Variants in SYNPR observed in about 807,000 individuals in gnomAD.
The protein encoded by SYNPR is synaptoporin.
A neutral mutation model predicts 32.9 loss-of-function variants in SYNPR; 23 were observed. The observed-to-expected ratio is 0.70, with a 90% CI of 0.50 to 0.99. The LOEUF (loss-of-function observed/expected upper bound fraction) is 0.99, where lower values mean the gene tolerates loss of function less well. Ranked by LOEUF, SYNPR falls within the 50% of genes least tolerant of loss-of-function variation. SYNPR has a pLI of 0.00. For synonymous variants in SYNPR, 146 were observed against 135.9 expected, an observed-to-expected ratio of 1.07 and a Z score of -0.52; for missense variants, 318 against 349.3, an observed-to-expected ratio of 0.91 and a Z score of 0.71.
chr3:63,407,470 C>T (rs1447887483), intron 2 of SYNPR, among the ~76,000 whole-genome samples: 4 of 152,254 alleles, frequency 2.6e-5, no homozygotes, highest in East Asian at 1.9e-4. Flanking sequence ...TCTCTCTTGA[C>T]TTTGATTTTA....
At chr3:63,413,724 G>A (rs1414059484) in intron 2 of SYNPR, among the ~76,000 whole-genome samples, 3 of 152,138 alleles carry the variant, frequency 2.0e-5, no homozygotes, top group Non-Finnish European at 4.4e-5. Context: ...GCTGTTACAT[G>A]TAAGTTGCTG....
chr3:63,311,453 C>T (rs2086963336), intron 2 of SYNPR, among the ~76,000 whole-genome samples: 1 of 152,004 alleles, frequency 6.6e-6, no homozygotes, highest in Non-Finnish European at 1.5e-5. Context: ...CTCTGCCTCC[C>T]ATCAGATCAG....
chr3:63,427,394 T>C (rs1699912767), intron 2 of SYNPR: 1 of 152,200 alleles, frequency 6.6e-6, no homozygotes, highest in Admixed American at 6.5e-5. Flanking sequence ...TTCCCCAGTG[T>C]ATAAAGTATG....
intron 2 of SYNPR, among the ~76,000 whole-genome samples, chr3:63,355,507 C>T (rs561335531): frequency 6.6e-6 from 1 of 152,254 alleles, no homozygotes; most frequent in South Asian, 2.1e-4. Flanking sequence ...TCACACTCAC[C>T]AGCCAGAGTT....
At chr3:63,460,381 T>G (rs879119257) in intron 2 of SYNPR, among the ~76,000 whole-genome samples, 1 of 152,162 alleles carries the variant, frequency 6.6e-6, no homozygotes, top group Admixed American at 6.6e-5. Context: ...CCTTCATTCA[T>G]TTCTATGCAT....
chr3:63,487,737 G>C (rs916774970), intron 3 of SYNPR, among the ~76,000 whole-genome samples: 3 of 152,196 alleles, frequency 2.0e-5, no homozygotes, highest in African/African-American at 7.2e-5. Flanking sequence ...TAACTAATGG[G>C]AGAATGAAAG....
chr3:63,435,619 C>T (rs758254424), intron 2 of SYNPR, among the ~76,000 whole-genome samples: 15 of 152,174 alleles, frequency 9.9e-5, no homozygotes, highest in Non-Finnish European at 1.8e-4. Flanking sequence ...TCATGGTGTG[C>T]CCTGGAGCAT....
At chr3:63,533,890 T>C (rs1241353212) in intron 3 of SYNPR, among the ~76,000 whole-genome samples, 2 of 152,140 alleles carry the variant, frequency 1.3e-5, no homozygotes, top group Non-Finnish European at 1.5e-5. Flanking sequence ...CAAGGTGCCA[T>C]TAACAAAAGA....
At chr3:63,614,745 A>G in intron 5 of SYNPR, among the ~76,000 whole-genome samples, 1 of 152,240 alleles carries the variant, frequency 6.6e-6, no homozygotes, top group East Asian at 1.9e-4. Flanking sequence ...AGATAGCCTT[A>G]TAAATGAATG....
intron 3 of SYNPR, among the ~76,000 whole-genome samples, chr3:63,513,335 T>C (rs1456319913): frequency 6.6e-6 from 1 of 152,050 alleles, no homozygotes; most frequent in Non-Finnish European, 1.5e-5. Context: ...ACATGTGCCA[T>C]TGCTCCCATC....
intron 4 of SYNPR, among the ~76,000 whole-genome samples, chr3:63,563,974 GA>G (rs56364011): frequency 0.3 from 43,740 of 145,536 alleles, 6,998 homozygotes; most frequent in East Asian, 0.47. Flanking sequence ...CTCAAATATG[GA>G]AAAAAAAAAA....
At chr3:63,201,382 T>G in the SYNPR span, among the ~76,000 whole-genome samples, 1 of 152,150 alleles carries the variant, frequency 6.6e-6, no homozygotes, top group South Asian at 2.1e-4. Context: ...TATCACATTG[T>G]CTGAAAGGCT....
chr3:63,251,710 G>A (rs185189409), intron 1 of SYNPR, among the ~76,000 whole-genome samples: 4 of 152,110 alleles, frequency 2.6e-5, no homozygotes, highest in Admixed American at 6.6e-5. Flanking sequence ...AAAGATCTAC[G>A]TAATCAGTGA....
chr3:63,395,823 T>TC (rs1224570488), intron 2 of SYNPR, among the ~76,000 whole-genome samples: 1 of 152,208 alleles, frequency 6.6e-6, no homozygotes, highest in African/African-American at 2.4e-5. Context: ...CTTTTTTTTT[T>TC]CTCATCTGGT....
intron 2 of SYNPR, among the ~76,000 whole-genome samples, chr3:63,450,779 T>C (rs879599426): frequency 1.3e-5 from 2 of 152,192 alleles, no homozygotes; most frequent in African/African-American, 4.8e-5. Context: ...TGAGCTTGGA[T>C]AGATGCAGGG....
chr3:63,463,319 T>C (rs1235576877), intron 2 of SYNPR, among the ~76,000 whole-genome samples: 1 of 152,040 alleles, frequency 6.6e-6, no homozygotes, highest in Admixed American at 6.6e-5. Context: ...TTGGTGCACA[T>C]GGAAATAACA....
At chr3:63,595,555 TC>T (rs1461000127) in intron 4 of SYNPR, among the ~76,000 whole-genome samples, 3 of 150,578 alleles carry the variant, frequency 2.0e-5, no homozygotes, top group Non-Finnish European at 4.4e-5. Flanking sequence ...TTCATTTACC[TC>T]CAGAAACTGG....
intron 2 of SYNPR, among the ~76,000 whole-genome samples, chr3:63,317,555 C>G (rs567159769): frequency 4.3e-4 from 66 of 152,110 alleles, no homozygotes; most frequent in African/African-American, 1.5e-3. Context: ...TGGCTACCCC[C>G]TGCTCACTTT....
chr3:63,393,487 C>CTTCTTTTTTT (rs1308792541), intron 2 of SYNPR, among the ~76,000 whole-genome samples: 2 of 118,096 alleles, frequency 1.7e-5, no homozygotes, highest in Admixed American at 8.7e-5. Flanking sequence ...TTCCTTCTTT[C>CTTCTTTTTTT]TTTCTTCTCT....
Sources: allele counts gnomAD v4.1 joint callset (sites outside exome capture counted in the v4.1 genomes callset), GRCh38; gene constraint gnomAD v4.1.1; transcripts MANE v1.5; gene names NCBI Gene and HGNC (gene_info 2026-07-23, HGNC 2026-07-21).